The following OSBPL8 variants were observed in gnomAD, a reference collection of about 807,000 sequenced individuals.
The protein encoded by OSBPL8 is oxysterol binding protein like 8.
In OSBPL8, 59 loss-of-function variants were observed where a neutral mutation model predicts 125.5. The observed-to-expected ratio is 0.47, with a 90% CI of 0.38 to 0.58. The LOEUF (loss-of-function observed/expected upper bound fraction) is 0.58. Among genes scored for constraint, OSBPL8 ranks in the 20% least tolerant of loss-of-function variants. OSBPL8 has a pLI of 0.00. For missense variants in OSBPL8, 758 were observed against 1,047.8 expected (o/e 0.72, Z 3.82); for synonymous variants, 330 against 338.9 (o/e 0.97, Z 0.29).
chr12:76,450,228 G>A (rs1302154457), intron 4 of OSBPL8, among the ~76,000 whole-genome samples: 1 of 152,132 alleles, frequency 6.6e-6, no homozygotes, highest in Non-Finnish European at 1.5e-5. Context: ...AGAGGCCAGG[G>A]ATACTGCTAA....
At chr12:76,435,578 T>A (rs185012558) in intron 4 of OSBPL8, among the ~76,000 whole-genome samples, 1 of 152,140 alleles carries the variant, frequency 6.6e-6, no homozygotes, top group South Asian at 2.1e-4. Context: ...GGTGAGGTGA[T>A]AGAAATGTTA....
At chr12:76,455,842 C>G (rs1873971628) in intron 3 of OSBPL8, among the ~76,000 whole-genome samples, 1 of 152,180 alleles carries the variant, frequency 6.6e-6, no homozygotes, top group Admixed American at 6.5e-5. Flanking sequence ...ACTAAATACT[C>G]TCTAAATGAC....
chr12:76,468,014 C>T (rs899510876), intron 2 of OSBPL8, among the ~76,000 whole-genome samples: 1 of 152,054 alleles, frequency 6.6e-6, no homozygotes, highest in African/African-American at 2.4e-5. Context: ...ATTAAACCTT[C>T]CAAATTTCTA....
At chr12:76,407,594 A>G (rs1290665450) in intron 5 of OSBPL8, among the ~76,000 whole-genome samples, 1 of 152,240 alleles carries the variant, frequency 6.6e-6, no homozygotes, top group East Asian at 1.9e-4. Context: ...AGACATCTTA[A>G]GCTAACAGAA....
At chr12:76,469,487 T>A (rs1875860943) in intron 2 of OSBPL8, among the ~76,000 whole-genome samples, 1 of 152,124 alleles carries the variant, frequency 6.6e-6, no homozygotes, top group South Asian at 2.1e-4. Flanking sequence ...CCTTCCTGAG[T>A]AGGAGGAAAG....
At chr12:76,556,870 TGGCCAGGCG>T (rs1193968229) in intron 1 of OSBPL8, among the ~76,000 whole-genome samples, 4 of 152,166 alleles carry the variant, frequency 2.6e-5, no homozygotes, top group African/African-American at 9.7e-5. Flanking sequence ...TTCACCATGT[TGGCCAGGCG>T]GGTCTTGAAC....
chr12:76,375,416 G>T (rs1398372756), intron 16 of OSBPL8, 46 bp from the exon 17 acceptor site: 1 of 1,299,596 alleles, frequency 7.7e-7, no homozygotes, highest in African/African-American at 1.5e-5. Flanking sequence ...GTATAGTATA[G>T]TATATGGCTC....
At chr12:76,356,162 T>TGGGGGGGGGTGATGGGGGGGG in intron 23 of OSBPL8, 141 bp from the exon 24 acceptor site, 1 of 131,834 alleles carries the variant, frequency 7.6e-6, no homozygotes, top group African/African-American at 3.4e-5. Context: ...TATGTAGGGG[T>TGGGGGGGGGTGATGGGGGGGG]GGGGGGGGGC....
rs1199075835 is a variant in OSBPL8 at position 76,401,497 on chromosome 12, A to AC, written c.366+1191_366+1192insG. ...CCTCACAACAACCTTGTGAAGTAGA[A>AC]GTATTATTATCCTTATTTTACAGAC... On this transcript the variant is annotated intron_variant, in intron 6 of 23. Transcript: ENST00000261183. Among the ~76,000 whole-genome samples, 11 of 152,208 alleles carry AC rather than the reference A, an allele frequency of 7.2e-5. No homozygotes were observed. The East Asian group carries it at 2.1e-3, about 29-fold the overall frequency.
At chr12:76,380,398 T>C (rs916939434) in intron 15 of OSBPL8, among the ~76,000 whole-genome samples, 2 of 151,896 alleles carry the variant, frequency 1.3e-5, no homozygotes, top group Non-Finnish European at 2.9e-5. Context: ...ATAATTGGAG[T>C]TGTTTTTAAA....
chr12:76,503,249 A>G (rs797006181), intron 1 of OSBPL8, among the ~76,000 whole-genome samples: 2 of 152,202 alleles, frequency 1.3e-5, no homozygotes, highest in Non-Finnish European at 2.9e-5. Context: ...GATGTCCAAG[A>G]TCAAGGTTTC....
intron 7 of OSBPL8, 80 bp from the exon 8 acceptor site, chr12:76,397,977 T>A: frequency 8.1e-7 from 1 of 1,235,448 alleles, no homozygotes; most frequent in Non-Finnish European, 1.1e-6. Flanking sequence ...TAAGATGTTT[T>A]AATCTAAAAT....
chr12:76,389,336 C>CCT (rs372468800), intron 12 of OSBPL8, among the ~76,000 whole-genome samples: 1 of 151,976 alleles, frequency 6.6e-6, no homozygotes. Flanking sequence ...ATGCCAATCA[C>CCT]CTCTCTCTCT....
At chr12:76,510,499 T>A (rs1015602988) in intron 1 of OSBPL8, among the ~76,000 whole-genome samples, 1 of 152,224 alleles carries the variant, frequency 6.6e-6, no homozygotes, top group South Asian at 2.1e-4. Flanking sequence ...CAACCATTCA[T>A]AAAATTTACA....
intron 1 of OSBPL8, among the ~76,000 whole-genome samples, chr12:76,545,824 A>G (rs940424013): frequency 6.6e-6 from 1 of 152,184 alleles, no homozygotes; most frequent in African/African-American, 2.4e-5. Flanking sequence ...CTACCAAAAA[A>G]TGAGAAACTA....
At chr12:76,478,682 C>T (rs146303216) in intron 2 of OSBPL8, among the ~76,000 whole-genome samples, 72 of 151,488 alleles carry the variant, frequency 4.8e-4, no homozygotes, top group Middle Eastern at 3.4e-3. Context: ...TTAGTACTCA[C>T]ACAATAGGTA....
At chr12:76,360,653 T>C (rs1952167257) in intron 21 of OSBPL8, among the ~76,000 whole-genome samples, 1 of 152,242 alleles carries the variant, frequency 6.6e-6, no homozygotes. Context: ...AGCAATCTTT[T>C]TCCTGGGTAT....
intron 2 of OSBPL8, among the ~76,000 whole-genome samples, chr12:76,478,883 A>T (rs1335038182): frequency 1.3e-5 from 2 of 152,140 alleles, no homozygotes; most frequent in Admixed American, 1.3e-4. Flanking sequence ...CAGGAGATCG[A>T]GACCATCCTG....
At chr12:76,516,493 A>G (rs1881543914) in intron 1 of OSBPL8, among the ~76,000 whole-genome samples, 1 of 152,202 alleles carries the variant, frequency 6.6e-6, no homozygotes, top group Admixed American at 6.5e-5. Flanking sequence ...CATAAGACAG[A>G]CTAACCAGAG....
Sources: allele counts gnomAD v4.1 joint callset (sites outside exome capture counted in the v4.1 genomes callset), GRCh38; gene constraint gnomAD v4.1.1; transcripts MANE v1.5; gene names NCBI Gene and HGNC (gene_info 2026-07-23, HGNC 2026-07-21).